Variants in DGUOK observed in about 807,000 individuals in gnomAD.
DGUOK encodes deoxyguanosine kinase, mitochondrial.
DGUOK carries 30 observed loss-of-function variants against 36.6 expected under a neutral mutation model. That is an observed-to-expected ratio of 0.82 (90% CI 0.61 to 1.11). The LOEUF (loss-of-function observed/expected upper bound fraction) is 1.11, where lower values mean the gene tolerates loss of function less well. DGUOK is among the 50% of genes most tolerant of loss of function. DGUOK has a pLI of 0.00. For missense variants in DGUOK, 361 were observed against 336.4 expected, an observed-to-expected ratio of 1.07 and a Z score of -0.57; for synonymous variants, 145 against 126.3, an observed-to-expected ratio of 1.15 and a Z score of -0.99.
At chr2:73,947,413 G>A (rs1252897882) in intron 3 of DGUOK, among the ~76,000 whole-genome samples, 1 of 152,066 alleles carries the variant, frequency 6.6e-6, no homozygotes, top group Non-Finnish European at 1.5e-5. Flanking sequence ...GCACATCTGA[G>A]AAACTGGCTT....
In DGUOK at chr2:73,926,997, C is replaced by T; in HGVS notation, c.87C>T (p.Ser29=). ...GCCCACTCGAGGGCGTTTCCTCCTCCAGAGGCCTGCACGCGGGGCGCGGGC... is the reference window on the plus strand; with the variant it reads ...GCCCACTCGAGGGCGTTTCCTCCTCTAGAGGCCTGCACGCGGGGCGCGGGC... ...AKSPLEGVSS[S]RGLHAGRGPR... is the part of the protein sequence containing the mutation. Residue 29 remains serine, a synonymous_variant, in exon 1 of 7, where the codon TCC becomes TCT. Coordinates refer to ENST00000264093, the MANE Select transcript of DGUOK (RefSeq NM_080916.3). The T allele has an allele frequency of 6.2e-7, 1 of 1,612,082 alleles. No individual in the cohort carries two copies. The highest frequency in any genetic ancestry group is 8.5e-7 in the Non-Finnish European group (1 of 1,180,032).
At chr2:73,928,148 A>G (rs376089989) in intron 1 of DGUOK, among the ~76,000 whole-genome samples, 1 of 151,574 alleles carries the variant, frequency 6.6e-6, no homozygotes, top group South Asian at 2.1e-4. Context: ...TTTATTTGAG[A>G]TGGAGTTTTG....
intron 2 of DGUOK, among the ~76,000 whole-genome samples, chr2:73,939,371 A>G (rs939247613): frequency 6.6e-6 from 1 of 152,260 alleles, no homozygotes; most frequent in Non-Finnish European, 1.5e-5. Flanking sequence ...ATAGCTAATT[A>G]TAGTGATTTT....
At chr2:73,929,661 A>G (rs571086869) in intron 1 of DGUOK, among the ~76,000 whole-genome samples, 1 of 152,268 alleles carries the variant, frequency 6.6e-6, no homozygotes, top group Non-Finnish European at 1.5e-5. Flanking sequence ...ACAAAAGAGA[A>G]TGATATCCTG....
rs1177476066 is a variant in DGUOK, at chr2:73,957,204, G to A, written c.671G>A (p.Gly224Asp). 1.9e-6 allele frequency: 3 copies of A among 1,614,000 alleles called. No individual in the cohort carries two copies. Among genetic ancestry groups the A allele is most frequent in the Non-Finnish European group, 2.5e-6 (3 of 1,180,004 alleles). Residue 224 changes from glycine (G) to aspartate (D), a missense_variant, in exon 5 of 7, where the codon GGC becomes GAC. Coordinates refer to ENST00000264093, the MANE Select transcript of DGUOK (RefSeq NM_080916.3). ...CTGGCCTATCTAGAGCAGCTGCATG[G>A]CCAACACGAAGCCTGGCTTATTCAC... ...IELAYLEQLHGQHEAWLIHKT... is the reference protein window; with the variant it reads ...IELAYLEQLHDQHEAWLIHKT...
intron 1 of DGUOK, among the ~76,000 whole-genome samples, chr2:73,929,728 T>G (rs1680873373): frequency 6.6e-6 from 1 of 152,110 alleles, no homozygotes; most frequent in African/African-American, 2.4e-5. Context: ...GTTATACTGT[T>G]TAAGTAAATG....
At chr2:73,936,461 C>A (rs951455701) in intron 1 of DGUOK, among the ~76,000 whole-genome samples, 1 of 152,190 alleles carries the variant, frequency 6.6e-6, no homozygotes, top group Non-Finnish European at 1.5e-5. Flanking sequence ...CGTGACTGTA[C>A]AAATCCACAG....
chr2:73,954,708 G>A (rs1014186747), intron 4 of DGUOK, among the ~76,000 whole-genome samples: 3 of 152,066 alleles, frequency 2.0e-5, no homozygotes, highest in African/African-American at 7.2e-5. Flanking sequence ...ACCTGGGTTT[G>A]GGCTTGAGAG....
chr2:73,957,330 A>AG, intron 5 of DGUOK, 90 bp downstream of exon 5: 1 of 925,344 alleles, frequency 1.1e-6, no homozygotes, highest in Non-Finnish European at 1.7e-6. Flanking sequence ...AGCCCCCTGT[A>AG]GGAAGGTTCA....
chr2:73,950,733 G>C lies in DGUOK; in HGVS notation c.591+1G>C. The C allele has an allele frequency of 6.2e-7, 1 of 1,614,112 alleles. No homozygotes were observed. Among genetic ancestry groups the C allele is most frequent in the Non-Finnish European group, 8.5e-7 (1 of 1,180,032 alleles). On this transcript the variant is annotated splice_donor_variant, in intron 4 of 6. Coordinates refer to ENST00000264093, the MANE Select transcript of DGUOK (RefSeq NM_080916.3). LOFTEE classifies it high-confidence loss of function. ...CATCTACCTCCAGGCTTCTCCCCAGGTAACACTGAACCTACAACCTTAGAC... is the reference window on the plus strand; with the variant it reads ...CATCTACCTCCAGGCTTCTCCCCAGCTAACACTGAACCTACAACCTTAGAC...
At chr2:73,936,602 G>A (rs1320724270) in intron 1 of DGUOK, among the ~76,000 whole-genome samples, 3 of 152,198 alleles carry the variant, frequency 2.0e-5, no homozygotes, top group African/African-American at 7.2e-5. Flanking sequence ...ATAAGTGGAA[G>A]GATGCCCCCC....
At chr2:73,936,751 C>T (rs190486916) in intron 1 of DGUOK, among the ~76,000 whole-genome samples, 63 of 152,260 alleles carry the variant, frequency 4.1e-4, no homozygotes, top group Non-Finnish European at 1.3e-4. Flanking sequence ...TTTATTCATT[C>T]AGCTAGGTCA....
intron 2 of DGUOK, 136 bp downstream of exon 2, chr2:73,939,158 C>A: frequency 1.4e-6 from 1 of 691,084 alleles, no homozygotes; most frequent in Admixed American, 2.1e-5. Context: ...AGAAAGCAGA[C>A]CACATACACC....
At chr2:73,940,139 T>C (rs527296828) in intron 2 of DGUOK, among the ~76,000 whole-genome samples, 45 of 152,282 alleles carry the variant, frequency 3.0e-4, no homozygotes, top group South Asian at 6.2e-4. Flanking sequence ...TGGGCTCAAG[T>C]GATCCACCCA....
intron 3 of DGUOK, 105 bp from the exon 4 acceptor site, chr2:73,950,480 T>C: frequency 3.2e-6 from 4 of 1,254,622 alleles, no homozygotes; most frequent in East Asian, 2.3e-5. Flanking sequence ...TGAACAGACA[T>C]GGAACAAGTT....
At chr2:73,949,980 A>C (rs1461584004) in intron 3 of DGUOK, among the ~76,000 whole-genome samples, 2 of 152,198 alleles carry the variant, frequency 1.3e-5, no homozygotes, top group Admixed American at 1.3e-4. Flanking sequence ...CTCATAATGC[A>C]TTTTGCAGGA....
At chr2:73,932,605 C>A (rs745736916) in intron 1 of DGUOK, 12 of 1,297,360 alleles carry the variant, frequency 9.2e-6, no homozygotes, top group Admixed American at 6.8e-5. Context: ...CAGGTAACAT[C>A]CTCAAGCAAA....
chr2:73,950,568 A>G lies in DGUOK; in HGVS notation c.444-17A>G. ...CCATTCTCCTGCCCTCCCCATTCCC[A>G]TCCCACTTCCAACCAGGTATATCTT... On this transcript the variant is annotated splice_polypyrimidine_tract_variant and intron_variant, in intron 3 of 6. Transcript: ENST00000264093. 6.2e-7 allele frequency: 1 copy of G among 1,613,862 alleles called. No individual in the cohort carries two copies. Among genetic ancestry groups the G allele is most frequent in the Non-Finnish European group, 8.5e-7 (1 of 1,179,942 alleles).
intron 1 of DGUOK, among the ~76,000 whole-genome samples, chr2:73,928,408 G>A (rs1307283057): frequency 6.6e-6 from 1 of 152,192 alleles, no homozygotes; most frequent in African/African-American, 2.4e-5. Flanking sequence ...GATTATAGGC[G>A]TTAGCCACTG....
Sources: gnomAD v4.1 joint callset for allele counts (sites outside exome capture counted in the v4.1 genomes callset) on GRCh38, gnomAD v4.1.1 for gene constraint, MANE v1.5 for transcripts, NCBI Gene and HGNC (gene_info 2026-07-23, HGNC 2026-07-21) for gene names.